Variants in XPR1 observed in about 807,000 individuals in gnomAD.
XPR1 encodes xenotropic and polytropic retrovirus receptor 1.
A neutral mutation model predicts 87.5 loss-of-function variants in XPR1; 28 were observed. That is an observed-to-expected ratio of 0.32 (90% confidence interval 0.24 to 0.44). The LOEUF (loss-of-function observed/expected upper bound fraction) is 0.44, where lower values mean the gene tolerates loss of function less well. Among genes scored for constraint, XPR1 ranks in the 20% least tolerant of loss-of-function variants. XPR1 has a pLI of 1.00. For missense variants in XPR1, 559 were observed against 862.3 expected, an observed-to-expected ratio of 0.65 and a Z score of 4.41; for synonymous variants, 300 against 306.1, an observed-to-expected ratio of 0.98 and a Z score of 0.21.
At chr1:180,683,785 T>C (rs1377615994) in intron 2 of XPR1, among the ~76,000 whole-genome samples, 1 of 151,414 alleles carries the variant, frequency 6.6e-6, no homozygotes, top group East Asian at 1.9e-4. Context: ...TGTCTGTTCA[T>C]ATCCTTTGCC....
At chr1:180,723,989 T>A (rs1571767857) in intron 2 of XPR1, among the ~76,000 whole-genome samples, 1 of 152,076 alleles carries the variant, frequency 6.6e-6, no homozygotes. Context: ...GAGAGAAGAG[T>A]AAATTAAATA....
intron 1 of XPR1, among the ~76,000 whole-genome samples, chr1:180,663,004 T>G (rs981795602): frequency 6.6e-6 from 1 of 152,188 alleles, no homozygotes; most frequent in African/African-American, 2.4e-5. Context: ...TTTGTTAAAT[T>G]TATCTGATAG....
At chr1:180,656,590 ATATAT>A (rs1655530267) in intron 1 of XPR1, among the ~76,000 whole-genome samples, 1 of 66,886 alleles carries the variant, frequency 1.5e-5, no homozygotes, top group Admixed American at 2.6e-4. Flanking sequence ...TATGTATAAT[ATATAT>A]TTTATATATG....
Position 180,776,648 on chromosome 1 carries a change from A to G in XPR1, c.122-11105A>G, listed in dbSNP as rs530824077. On this transcript the variant is annotated intron_variant, in intron 2 of 14. Coordinates refer to ENST00000367590, the MANE Select transcript of XPR1 (RefSeq NM_004736.4). ...TATTTTAGAAGTTACAAGGGCAAAA[A>G]TCATTTGAAAACCACTGTTACATTC... Among the ~76,000 whole-genome samples, 7 of 152,234 alleles carry G rather than the reference A, an allele frequency of 4.6e-5. No individual in the cohort carries two copies. In the South Asian group the frequency reaches 8.3e-4, roughly 18 times the overall value.
chr1:180,880,751 AC>A lies in XPR1; in HGVS notation c.2030+455del, dbSNP rs199498033. On this transcript the variant is annotated intron_variant, in intron 14 of 14. Transcript: ENST00000367590. ...GGTTAAGTGGATTATATTCATTATT[AC>A]ATAGAACTTGGACCAGTTCCCTCAC... Among the ~76,000 whole-genome samples the A allele has an allele frequency of 7.4e-3, 1,131 of 152,374 alleles. 4 individuals carry two copies. Among genetic ancestry groups the A allele is most frequent in the Non-Finnish European group, 0.011 (763 of 68,038 alleles).
intron 11 of XPR1, among the ~76,000 whole-genome samples, chr1:180,844,561 G>A (rs1055993991): frequency 1.3e-5 from 2 of 152,174 alleles, no homozygotes; most frequent in South Asian, 2.1e-4. Flanking sequence ...TGTACTCATC[G>A]ACTATTAACA....
Position 180,734,067 on chromosome 1 carries a change from C to T in XPR1, c.121+51656C>T, listed in dbSNP as rs1390507935. Among the ~76,000 whole-genome samples the T allele has an allele frequency of 2.0e-5, 3 of 152,182 alleles. No individual in the cohort carries two copies. The East Asian group carries it at 5.8e-4, about 29-fold the overall frequency. ...GGTCAGATATTTAATAAGAAAGAGG[C>T]AGAGCCAGGATTTCAACCCAGGCAG... On this transcript the variant is annotated intron_variant, in intron 2 of 14. Coordinates refer to ENST00000367590, the MANE Select transcript of XPR1 (RefSeq NM_004736.4).
intron 2 of XPR1, among the ~76,000 whole-genome samples, chr1:180,720,797 T>C (rs906439290): frequency 4.6e-5 from 7 of 152,322 alleles, no homozygotes; most frequent in Admixed American, 2.6e-4. Flanking sequence ...CCTTTTGTTG[T>C]ACCAGCCAAT....
intron 2 of XPR1, among the ~76,000 whole-genome samples, chr1:180,712,186 T>G (rs745991623): frequency 1.3e-5 from 2 of 152,214 alleles, no homozygotes; most frequent in South Asian, 2.1e-4. Flanking sequence ...TATGTCAGCA[T>G]CATTACTCTT....
chr1:180,642,492 G>A (rs137887923), intron 1 of XPR1, among the ~76,000 whole-genome samples: 3 of 151,990 alleles, frequency 2.0e-5, no homozygotes, highest in Non-Finnish European at 2.9e-5. Context: ...GCTCTAGTGT[G>A]CCAGGCATTT....
Position 180,880,196 on chromosome 1 carries a change from A to G in XPR1, c.1929A>G (p.Glu643=). The change falls in exon 14 of 15, where the codon GAA becomes GAG. Residue 643 remains glutamate, a synonymous_variant. Coordinates refer to ENST00000367590, the MANE Select transcript of XPR1 (RefSeq NM_004736.4). The part of the protein sequence containing the change: ...PLNADDQTLL[E]QMMDQDDGVR... Reference sequence around the variant, plus strand: ...ACGCAGATGATCAGACTCTCCTAGAACAGATGATGGACCAGGATGATGGGG... The same window carrying G: ...ACGCAGATGATCAGACTCTCCTAGAGCAGATGATGGACCAGGATGATGGGG... 1.2e-6 allele frequency: 2 copies of G among 1,614,202 alleles called. No homozygotes were observed. The highest frequency in any genetic ancestry group is 1.7e-6 in the Non-Finnish European group (2 of 1,180,044).
In XPR1 at chr1:180,632,112, C is replaced by T. The variant is rs1183186208; in HGVS notation, c.-90C>T. ...AGAGAAGCGCAGCGCCGCGCCGCGC[C>T]GGGGCCCATGTGGGGAGGAGTCGGA... On this transcript the variant is annotated 5_prime_UTR_variant, in exon 1 of 15. Transcript: ENST00000367590. The T allele has an allele frequency of 7.4e-6, 11 of 1,478,894 alleles. No individual in the cohort carries two copies. The highest frequency in any genetic ancestry group is 7.2e-5 in the South Asian group (6 of 82,928). 91.6% of individuals were successfully genotyped at this position (1,478,894 alleles called of 1,614,324 possible).
At chr1:180,740,007 C>T (rs773889513) in intron 2 of XPR1, among the ~76,000 whole-genome samples, 11 of 152,034 alleles carry the variant, frequency 7.2e-5, no homozygotes, top group Admixed American at 2.0e-4. Flanking sequence ...CCACCGTGCC[C>T]GACCAATTTT....
intron 2 of XPR1, among the ~76,000 whole-genome samples, chr1:180,719,226 G>C (rs1320918064): frequency 6.6e-6 from 1 of 152,016 alleles, no homozygotes; most frequent in Non-Finnish European, 1.5e-5. Context: ...GGAAACACTA[G>C]TTAAATGTTT....
chr1:180,689,433 A>G (rs1366143179), intron 2 of XPR1, among the ~76,000 whole-genome samples: 1 of 152,220 alleles, frequency 6.6e-6, no homozygotes, highest in African/African-American at 2.4e-5. Flanking sequence ...AACTTGTTAG[A>G]AAAAAGCAAA....
chr1:180,766,932 TC>T (rs1197144130), intron 2 of XPR1, among the ~76,000 whole-genome samples: 1 of 152,210 alleles, frequency 6.6e-6, no homozygotes, highest in Non-Finnish European at 1.5e-5. Context: ...ATTACATTTG[TC>T]CCATATATGG....
chr1:180,749,639 T>TACACACACACACA (rs1553244350), intron 2 of XPR1, among the ~76,000 whole-genome samples: 4 of 142,342 alleles, frequency 2.8e-5, no homozygotes, highest in Non-Finnish European at 4.6e-5. Flanking sequence ...CACATATACA[T>TACACACACACACA]CACACACACA....
chr1:180,755,690 T>C (rs1647710036), intron 2 of XPR1, among the ~76,000 whole-genome samples: 1 of 152,254 alleles, frequency 6.6e-6, no homozygotes, highest in Non-Finnish European at 1.5e-5. Flanking sequence ...TTTCTTAACC[T>C]TTAACATTTA....
chr1:180,653,961 A>T (rs1398271293), intron 1 of XPR1, among the ~76,000 whole-genome samples: 1 of 152,166 alleles, frequency 6.6e-6, no homozygotes, highest in Non-Finnish European at 1.5e-5. Flanking sequence ...TTGGTTGACC[A>T]TGGGTAACTG....
Sources: allele counts gnomAD v4.1 joint callset (sites outside exome capture counted in the v4.1 genomes callset), GRCh38; gene constraint gnomAD v4.1.1; transcripts MANE v1.5; gene names NCBI Gene and HGNC (gene_info 2026-07-23, HGNC 2026-07-21).